SRC: variants seen among roughly 807,000 people sequenced by gnomAD.
SRC encodes SRC proto-oncogene, non-receptor tyrosine kinase.
Under a neutral mutation model 62.9 loss-of-function variants are expected in SRC, and 13 were observed. That is an observed-to-expected ratio of 0.21 (90% CI 0.13 to 0.33). The LOEUF (loss-of-function observed/expected upper bound fraction) is 0.33, where lower values mean the gene tolerates loss of function less well. Among genes scored for constraint, SRC ranks in the 10% least tolerant of loss-of-function variants. The pLI is 1.00. For synonymous variants in SRC, 302 were observed against 317.5 expected, an observed-to-expected ratio of 0.95 and a Z score of 0.52; for missense variants, 457 against 737.3, an observed-to-expected ratio of 0.62 and a Z score of 4.40.
In SRC at chr20:37,404,793, G is replaced by A. The variant is rs930646864; in HGVS notation, c.*1414G>A. 8.6e-6 allele frequency: 2 copies of A among 233,492 alleles called. No individual in the cohort carries two copies. The highest frequency in any genetic ancestry group is 4.4e-5 in the African/African-American group (2 of 45,364). 14.5% of individuals were successfully genotyped at this position (233,492 alleles called of 1,614,324 possible). On this transcript the variant is annotated 3_prime_UTR_variant, in exon 14 of 14. Transcript: ENST00000373578. ...CTCTGGCTCTGTTCGGCCTTTGGGT[G>A]TGTGGTGGATTCTCCCTGGGCCTCA...
At chr20:37,362,751 A>G (rs1402971017) in intron 1 of SRC, among the ~76,000 whole-genome samples, 1 of 152,030 alleles carries the variant, frequency 6.6e-6, no homozygotes, top group East Asian at 1.9e-4. Context: ...GGGTCTGCGA[A>G]GCCTCCTAAC....
intron 1 of SRC, among the ~76,000 whole-genome samples, chr20:37,361,664 G>A (rs972853859): frequency 2.6e-5 from 4 of 152,384 alleles, no homozygotes; most frequent in Non-Finnish European, 2.9e-5. Flanking sequence ...TCAGGGGTGG[G>A]GCAGCTGGGG....
Position 37,396,117 on chromosome 20 carries a change from G to T in SRC, c.554-45G>T. The T allele has an allele frequency of 6.3e-7, 1 of 1,599,790 alleles. No individual in the cohort carries two copies. Among genetic ancestry groups the T allele is most frequent in the Non-Finnish European group, 8.5e-7 (1 of 1,175,044 alleles). On this transcript the variant is annotated intron_variant, in intron 7 of 13. Transcript: ENST00000373578. This position sits in a 1 kb window ranked among gnomAD's most constrained non-coding sequence, Gnocchi z 6.1. The stretch of plus-strand genomic sequence containing the variant: ...ACGGTGTCCAGAGCAGCGGCCTGCG[G>T]GGGGAGAGGGCATGGCGGTCACGGC...
chr20:37,373,353 C>CAT lies in SRC; in HGVS notation c.-173+8082_-173+8083dup, dbSNP rs541929412. Among the ~76,000 whole-genome samples the CAT allele has an allele frequency of 8.5e-4, 129 of 150,892 alleles. 1 individual carries two copies. The highest frequency in any genetic ancestry group is 3.1e-3 in the African/African-American group (124 of 40,558). ...ACACACATGTACACACACATATGTA[C>CAT]ATATATACACATACACATATATGTA... is the stretch of plus-strand genomic sequence containing the variant. On this transcript the variant is annotated intron_variant, in intron 2 of 13. Coordinates refer to ENST00000373578, the MANE Select transcript of SRC (RefSeq NM_198291.3).
At chr20:37,377,582 A>G (rs2070297087) in intron 2 of SRC, among the ~76,000 whole-genome samples, 1 of 152,096 alleles carries the variant, frequency 6.6e-6, no homozygotes, top group South Asian at 2.1e-4. Context: ...TTGTGGGAGG[A>G]TGGGACACGC....
In SRC at chr20:37,404,986, G is replaced by GC. The variant is rs1601028330; in HGVS notation, c.*1612dup. On this transcript the variant is annotated 3_prime_UTR_variant, in exon 14 of 14. Coordinates refer to ENST00000373578, the MANE Select transcript of SRC (RefSeq NM_198291.3). ...CAAACATGTTGTACATTTCACCATG[G>GC]CCCCCTCATCATAGCAATAACATTC... The GC allele has an allele frequency of 4.4e-6, 1 of 229,660 alleles. No individual in the cohort carries two copies. Among genetic ancestry groups the GC allele is most frequent in the African/African-American group, 2.3e-5 (1 of 43,854 alleles). 14.2% of individuals were successfully genotyped at this position (229,660 alleles called of 1,614,324 possible).
chr20:37,364,744 C>T (rs2070035764), intron 1 of SRC, among the ~76,000 whole-genome samples: 1 of 152,184 alleles, frequency 6.6e-6, no homozygotes, highest in African/African-American at 2.4e-5. Context: ...TGGCTTTTGA[C>T]TGTTTTTCCC....
intron 10 of SRC, among the ~76,000 whole-genome samples, chr20:37,400,767 A>G (rs372758873): frequency 1.9e-4 from 29 of 152,330 alleles, no homozygotes; most frequent in African/African-American, 7.0e-4. Context: ...TGTTCAGTTC[A>G]GTGGGTTTTA....
At chr20:37,357,927 C>T (rs907954602) in intron 1 of SRC, among the ~76,000 whole-genome samples, 3 of 152,066 alleles carry the variant, frequency 2.0e-5, no homozygotes, top group Admixed American at 1.3e-4. Context: ...AAGGGGCAGG[C>T]GGCTGGTGTG....
At chr20:37,371,589 T>A (rs190833463) in intron 2 of SRC, among the ~76,000 whole-genome samples, 339 of 152,306 alleles carry the variant, frequency 2.2e-3, no homozygotes, top group African/African-American at 7.7e-3. Flanking sequence ...TCTGCTCTAA[T>A]TTTTATTCTT....
In SRC at chr20:37,397,509, TGCATAAA is replaced by T. The variant is rs1438578745; in HGVS notation, c.704-186_704-180del. 6.6e-6 allele frequency among the ~76,000 whole-genome samples: 1 copy of T among 152,182 alleles called. No homozygotes were observed. The highest frequency in any genetic ancestry group is 1.9e-4 in the East Asian group (1 of 5,196). Reference sequence around the variant, plus strand: ...CTGACTGAATGACTGACTCAGCAGATGCATAAAGCACTGTGGGCCTGTGTGGGGGTGG... The same window carrying T: ...CTGACTGAATGACTGACTCAGCAGATGCACTGTGGGCCTGTGTGGGGGTGG... On this transcript the variant is annotated intron_variant, in intron 8 of 13. Coordinates refer to ENST00000373578, the MANE Select transcript of SRC (RefSeq NM_198291.3). This position sits in a 1 kb window ranked among gnomAD's most constrained non-coding sequence, Gnocchi z 4.1.
In SRC at chr20:37,397,703, C is replaced by T. The variant is rs761313342; in HGVS notation, c.708C>T (p.His236=). Residue 236 remains histidine (H), a synonymous_variant, in exon 9 of 14, where the codon CAC becomes CAT. Coordinates refer to ENST00000373578, the MANE Select transcript of SRC (RefSeq NM_198291.3). This position sits in a 1 kb window ranked among gnomAD's most constrained non-coding sequence, Gnocchi z 4.1. ...CTCCTCCTGCCTCCTCCTCAGAACA[C>T]GCCGATGGCCTGTGCCACCGCCTCA... The part of the protein sequence containing the change: ...LQQLVAYYSK[H]ADGLCHRLTT... The T allele has an allele frequency of 2.2e-5, 34 of 1,578,368 alleles. No individual in the cohort carries two copies. Among genetic ancestry groups the T allele is most frequent in the Non-Finnish European group, 2.3e-5 (27 of 1,160,350 alleles).
chr20:37,389,121 A>G (rs754625), intron 5 of SRC, among the ~76,000 whole-genome samples: 30,848 of 152,124 alleles, frequency 0.2, 3,905 homozygotes, highest in Middle Eastern at 0.29. Context: ...ATCCCGCGCC[A>G]TGGATCTTGC....
At chr20:37,360,399 A>C (rs1057149726) in intron 1 of SRC, among the ~76,000 whole-genome samples, 2 of 151,742 alleles carry the variant, frequency 1.3e-5, no homozygotes, top group Admixed American at 1.3e-4. Flanking sequence ...AGTTTTTAAA[A>C]TTTTTAATTT....
chr20:37,385,837 G>A (rs943130264), intron 4 of SRC, among the ~76,000 whole-genome samples: 8 of 152,358 alleles, frequency 5.3e-5, no homozygotes, highest in African/African-American at 1.9e-4. Context: ...CAAAGCCCCG[G>A]GGACGGACGC....
chr20:37,363,355 C>A (rs903381728), intron 1 of SRC, among the ~76,000 whole-genome samples: 5 of 152,228 alleles, frequency 3.3e-5, no homozygotes, highest in African/African-American at 4.8e-5. Flanking sequence ...TCTGGCCAGA[C>A]CTCGCTCTGA....
chr20:37,363,971 A>G (rs2070021791), intron 1 of SRC, among the ~76,000 whole-genome samples: 1 of 151,764 alleles, frequency 6.6e-6, no homozygotes, highest in African/African-American at 2.4e-5. Context: ...GATGGCTGCT[A>G]ATGGGCCAAG....
At chr20:37,381,527 A>T (rs1450990369) in intron 2 of SRC, among the ~76,000 whole-genome samples, 2 of 152,166 alleles carry the variant, frequency 1.3e-5, no homozygotes, top group Non-Finnish European at 2.9e-5. Flanking sequence ...TTTTTAAAAA[A>T]ATTTTTACTT....
chr20:37,400,615 C>T (rs111888789), intron 10 of SRC, among the ~76,000 whole-genome samples: 78 of 151,982 alleles, frequency 5.1e-4, no homozygotes, highest in African/African-American at 1.8e-3. Flanking sequence ...CTCTTGGGCT[C>T]AAGGAGTCCT....
Sources: allele counts gnomAD v4.1 joint callset (sites outside exome capture counted in the v4.1 genomes callset), GRCh38; gene constraint gnomAD v4.1.1; non-coding constraint Gnocchi (gnomAD v3.1); transcripts MANE v1.5; gene names NCBI Gene and HGNC (gene_info 2026-07-23, HGNC 2026-07-21).